Variants in IL23R observed in about 807,000 individuals in gnomAD.
IL23R encodes interleukin-23 receptor.
In IL23R, 34 loss-of-function variants were observed where a neutral mutation model predicts 56.9. That is an observed-to-expected ratio of 0.60 (90% CI 0.45 to 0.80). IL23R has a LOEUF of 0.80. Among genes scored for constraint, IL23R ranks in the 30% least tolerant of loss-of-function variants. The pLI is 0.00. For missense variants in IL23R, 635 were observed against 730.0 expected (o/e 0.87, Z 1.50); for synonymous variants, 230 against 249.2 (o/e 0.92, Z 0.73).
chr1:67,237,035 T>A (rs1651523254), intron 8 of IL23R, among the ~76,000 whole-genome samples: 1 of 152,122 alleles, frequency 6.6e-6, no homozygotes, highest in Admixed American at 6.5e-5. Flanking sequence ...TTTTTTAAAA[T>A]TTTTATTTAT....
intron 7 of IL23R, among the ~76,000 whole-genome samples, chr1:67,227,905 C>T (rs182482856): frequency 6.6e-6 from 1 of 152,242 alleles, no homozygotes; most frequent in African/African-American, 2.4e-5. Flanking sequence ...TCCATAATCT[C>T]CCTGAAGTTT....
intron 7 of IL23R, among the ~76,000 whole-genome samples, chr1:67,228,150 T>TCC (rs1650846665): frequency 2.6e-5 from 2 of 76,144 alleles, no homozygotes; most frequent in Admixed American, 1.8e-4. Context: ...CTGTCTTTCT[T>TCC]TTTCCTTCCT....
At chr1:67,198,076 CCA>C (rs1443231433) in intron 4 of IL23R, among the ~76,000 whole-genome samples, 2 of 152,040 alleles carry the variant, frequency 1.3e-5, no homozygotes, top group Non-Finnish European at 2.9e-5. Flanking sequence ...GGGGGATATG[CCA>C]CACTCTTTAA....
intron 3 of IL23R, among the ~76,000 whole-genome samples, chr1:67,182,107 C>T (rs1647154305): frequency 6.6e-6 from 1 of 152,194 alleles, no homozygotes; most frequent in Non-Finnish European, 1.5e-5. Flanking sequence ...GCAGTCTGTC[C>T]ATTCTCAGAT....
At chr1:67,249,755 A>T (rs1652493581) in intron 9 of IL23R, among the ~76,000 whole-genome samples, 1 of 152,156 alleles carries the variant, frequency 6.6e-6, no homozygotes, top group Non-Finnish European at 1.5e-5. Context: ...TGAAGCTGAA[A>T]TTTCATTTTG....
chr1:67,235,579 A>C (rs1651420604), intron 7 of IL23R, among the ~76,000 whole-genome samples: 1 of 152,164 alleles, frequency 6.6e-6, no homozygotes, highest in East Asian at 1.9e-4. Flanking sequence ...TTTTTAGTAG[A>C]AACAGGGTTT....
intron 3 of IL23R, among the ~76,000 whole-genome samples, chr1:67,175,601 CTGTCTTACTTCGCTTAATATAA>C (rs1646997848): frequency 2.0e-5 from 3 of 152,184 alleles, no homozygotes. Flanking sequence ...CCTTTAGGGT[CTGTCTTACTTCGCTTAATATAA>C]TGTCTTCAAG....
chr1:67,184,650 T>A (rs188702078), intron 4 of IL23R, among the ~76,000 whole-genome samples: 2 of 151,862 alleles, frequency 1.3e-5, no homozygotes, highest in Admixed American at 6.5e-5. Flanking sequence ...AGTATGCTTT[T>A]TTTTTTCTGT....
the IL23R span, among the ~76,000 whole-genome samples, chr1:67,265,348 C>T: frequency 6.6e-6 from 1 of 152,124 alleles, no homozygotes; most frequent in Non-Finnish European, 1.5e-5. Flanking sequence ...TTTTTTCCCA[C>T]TCCTACCCCA....
intron 7 of IL23R, among the ~76,000 whole-genome samples, chr1:67,229,796 A>G (rs550948731): frequency 6.6e-6 from 1 of 152,344 alleles, no homozygotes; most frequent in South Asian, 2.1e-4. Flanking sequence ...GATTCCAGGG[A>G]TTAGGACACG....
chr1:67,261,621 TG>T (rs1653207873), downstream of IL23R, among the ~76,000 whole-genome samples: 2 of 152,180 alleles, frequency 1.3e-5, no homozygotes, highest in Non-Finnish European at 2.9e-5. Context: ...TTGATTCTTT[TG>T]CAAAAGGAGA....
chr1:67,139,852 T>G (rs1473307993), intron 1 of IL23R, among the ~76,000 whole-genome samples: 1 of 152,168 alleles, frequency 6.6e-6, no homozygotes, highest in East Asian at 1.9e-4. Context: ...GGTGGGGCCT[T>G]TAAAAGGTTC....
chr1:67,231,440 C>T (rs1486156121), intron 7 of IL23R, among the ~76,000 whole-genome samples: 1 of 152,082 alleles, frequency 6.6e-6, no homozygotes, highest in East Asian at 1.9e-4. Context: ...TGAACTGTCT[C>T]ATCAAACCTC....
intron 5 of IL23R, among the ~76,000 whole-genome samples, chr1:67,205,644 C>G (rs1648949911): frequency 6.6e-6 from 1 of 152,184 alleles, no homozygotes; most frequent in Non-Finnish European, 1.5e-5. Context: ...AATAACCAAT[C>G]AGAATTTCAG....
downstream of IL23R, among the ~76,000 whole-genome samples, chr1:67,263,805 A>T (rs569884550): frequency 6.6e-6 from 1 of 151,736 alleles, no homozygotes; most frequent in Non-Finnish European, 1.5e-5. Flanking sequence ...TGGAGGTTGC[A>T]GTGAGCCAAG....
At chr1:67,150,832 A>AT (rs1379772805) in intron 1 of IL23R, among the ~76,000 whole-genome samples, 1 of 151,970 alleles carries the variant, frequency 6.6e-6, no homozygotes, top group African/African-American at 2.4e-5. Context: ...TATGTACCAC[A>AT]TTTTCTTTAT....
At chr1:67,238,246 G>A (rs1651612638) in intron 8 of IL23R, among the ~76,000 whole-genome samples, 1 of 151,742 alleles carries the variant, frequency 6.6e-6, no homozygotes, top group African/African-American at 2.4e-5. Flanking sequence ...TACTTGGGAG[G>A]CTGAGGTGGG....
chr1:67,234,666 A>C (rs886498616), intron 7 of IL23R, among the ~76,000 whole-genome samples: 19 of 152,076 alleles, frequency 1.2e-4, no homozygotes, highest in African/African-American at 4.3e-4. Context: ...TGATTTTGCT[A>C]AATTGAAAAT....
chr1:67,162,306 T>C (rs959381368), upstream of IL23R, among the ~76,000 whole-genome samples: 5 of 151,612 alleles, frequency 3.3e-5, no homozygotes, highest in Non-Finnish European at 7.4e-5. Context: ...CTACTAAAAA[T>C]ATAAAAAATT....
Sources: gnomAD v4.1 joint callset for allele counts (sites outside exome capture counted in the v4.1 genomes callset) on GRCh38, gnomAD v4.1.1 for gene constraint, MANE v1.5 for transcripts, NCBI Gene and HGNC (gene_info 2026-07-23, HGNC 2026-07-21) for gene names.